SAE1: variants seen among roughly 807,000 people sequenced by gnomAD.
The protein encoded by SAE1 is SUMO-activating enzyme subunit 1.
Under a neutral mutation model 40.6 loss-of-function variants are expected in SAE1, and 11 were observed. That is an observed-to-expected ratio of 0.27 (90% CI 0.17 to 0.45). SAE1 has a LOEUF of 0.45. Among genes scored for constraint, SAE1 ranks in the 20% least tolerant of loss-of-function variants. The pLI, the probability that SAE1 is intolerant of heterozygous loss-of-function variation, is 1.00. For missense variants in SAE1, 373 were observed against 427.3 expected, an observed-to-expected ratio of 0.87 and a Z score of 1.12; for synonymous variants, 155 against 154.3, an observed-to-expected ratio of 1.00 and a Z score of -0.03.
At chr19:47,200,914 G>A (rs1296923762) in intron 7 of SAE1, among the ~76,000 whole-genome samples, 1 of 152,134 alleles carries the variant, frequency 6.6e-6, no homozygotes, top group Non-Finnish European at 1.5e-5. Flanking sequence ...CTAGAGTGCA[G>A]TGGCATGATC....
chr19:47,196,044 CTTTTT>C (rs778913288), intron 6 of SAE1, among the ~76,000 whole-genome samples: 2 of 129,946 alleles, frequency 1.5e-5, no homozygotes, highest in African/African-American at 2.8e-5. Context: ...TCTTCCGGGT[CTTTTT>C]TTTTTTTTTT....
At chr19:47,134,962 T>G (rs1300948972) in intron 1 of SAE1, among the ~76,000 whole-genome samples, 2 of 152,122 alleles carry the variant, frequency 1.3e-5, no homozygotes, top group African/African-American at 4.8e-5. Context: ...TTGTACTCTA[T>G]TTTTAGACAG....
chr19:47,151,377 C>T (rs1290526825), intron 3 of SAE1, among the ~76,000 whole-genome samples: 2 of 152,152 alleles, frequency 1.3e-5, no homozygotes, highest in African/African-American at 4.8e-5. Flanking sequence ...TCTTGAACCC[C>T]TGACCTCAGG....
chr19:47,139,936 CTTTTTTTTTTT>C (rs34575308), intron 1 of SAE1, among the ~76,000 whole-genome samples: 1,314 of 111,556 alleles, frequency 0.012, 18 homozygotes, highest in Non-Finnish European at 0.015. Flanking sequence ...TTGGGTATTT[CTTTTTTTTTTT>C]TTTTTTTTGA....
intron 4 of SAE1, among the ~76,000 whole-genome samples, chr19:47,153,910 G>C (rs1376139118): frequency 6.6e-6 from 1 of 151,880 alleles, no homozygotes; most frequent in Non-Finnish European, 1.5e-5. Flanking sequence ...TCCTGCCTCA[G>C]CCTCCGGAGT....
At chr19:47,146,635 TCCC>T (rs1260265119) in intron 2 of SAE1, among the ~76,000 whole-genome samples, 6 of 152,254 alleles carry the variant, frequency 3.9e-5, no homozygotes, top group Admixed American at 3.3e-4. Flanking sequence ...CCCATTACCA[TCCC>T]TGTTTTACAG....
chr19:47,202,296 T>A lies in SAE1; in HGVS notation c.879-1375T>A, dbSNP rs142585450. ...TTTAAAATTATACCTATTTATTTAT[T>A]TATTTATTTTTTGAGACAGTCTTGC... is the stretch of plus-strand genomic sequence containing the variant. On this transcript the variant is annotated intron_variant, in intron 7 of 8. Coordinates refer to ENST00000270225, the MANE Select transcript of SAE1 (RefSeq NM_005500.3). Among the ~76,000 whole-genome samples, 156 of 152,050 alleles carry A rather than the reference T, an allele frequency of 1.0e-3. 2 individuals are homozygous for A. The South Asian group carries it at 0.018, about 18-fold the overall frequency.
chr19:47,204,148 A>G (rs1373602163), intron 8 of SAE1, among the ~76,000 whole-genome samples: 1 of 143,138 alleles, frequency 7.0e-6, no homozygotes, highest in Non-Finnish European at 1.5e-5. Context: ...ACCTCTGTAC[A>G]GTTTATCTCT....
chr19:47,166,483 A>AGGC (rs2058393050), intron 5 of SAE1, among the ~76,000 whole-genome samples: 26 of 152,062 alleles, frequency 1.7e-4, no homozygotes, highest in Admixed American at 1.6e-3. Flanking sequence ...CTTCATTCAT[A>AGGC]CTCTTGCCCC....
intron 6 of SAE1, among the ~76,000 whole-genome samples, chr19:47,191,209 G>A (rs574553864): frequency 6.6e-6 from 1 of 152,136 alleles, no homozygotes; most frequent in African/African-American, 2.4e-5. Flanking sequence ...TCAGAAGTTC[G>A]AGACCAGCCT....
intron 2 of SAE1, among the ~76,000 whole-genome samples, chr19:47,146,531 C>T (rs945896446): frequency 3.3e-5 from 5 of 152,110 alleles, no homozygotes; most frequent in South Asian, 4.1e-4. Flanking sequence ...CCAGGAATAA[C>T]CAGAGCAGCT....
At position 47,155,201 on chromosome 19, in the gene SAE1, G is replaced by A. The variant is rs1315600653; in HGVS notation, c.615G>A (p.Thr205=). 2 of 1,612,868 alleles carry A rather than the reference G, an allele frequency of 1.2e-6. No individual in the cohort carries two copies. Among genetic ancestry groups the A allele is most frequent in the Non-Finnish European group, 1.7e-6 (2 of 1,179,058 alleles). The change falls in exon 5 of 9, where the codon ACG becomes ACA. Residue 205 remains threonine, a synonymous_variant. Transcript: ENST00000270225. ...KRAKLDSSET[T]MVKKKVVFCP... ...CAAAACTTGATTCTTCTGAGACAAC[G>A]ATGGTCAAAAAGGTATGTGTAACGT...
chr19:47,178,827 T>G lies in SAE1; in HGVS notation c.733+8904T>G, dbSNP rs77828218. Among the ~76,000 whole-genome samples the G allele has an allele frequency of 3.3e-3, 501 of 152,288 alleles. 3 individuals carry two copies. The highest frequency in any genetic ancestry group is 0.011 in the African/African-American group (475 of 41,560). On this transcript the variant is annotated intron_variant, in intron 6 of 8. Transcript: ENST00000270225. ...TGTATTTCAAATTACATTTGTGCACTGAAGCAGGGAGGAAAAAGGAGCTAA... is the reference window on the plus strand; with the variant it reads ...TGTATTTCAAATTACATTTGTGCACGGAAGCAGGGAGGAAAAAGGAGCTAA...
intron 4 of SAE1, among the ~76,000 whole-genome samples, chr19:47,153,497 G>A (rs1286664026): frequency 6.6e-6 from 1 of 152,084 alleles, no homozygotes; most frequent in African/African-American, 2.4e-5. Context: ...ATACATTATT[G>A]TAAAACTATA....
intron 5 of SAE1, among the ~76,000 whole-genome samples, chr19:47,164,542 A>G (rs1326465256): frequency 2.1e-5 from 3 of 145,312 alleles, no homozygotes; most frequent in African/African-American, 5.1e-5. Flanking sequence ...CCAGTCACCT[A>G]TTGTATTGAG....
intron 2 of SAE1, 123 bp downstream of exon 2, chr19:47,143,728 AC>A: frequency 5.7e-6 from 4 of 696,444 alleles, no homozygotes; most frequent in Non-Finnish European, 1.0e-5. Flanking sequence ...ACATTAATAA[AC>A]CATTGCCTCT....
intron 6 of SAE1, among the ~76,000 whole-genome samples, chr19:47,191,334 AAAAC>A (rs1483765280): frequency 2.0e-5 from 3 of 152,200 alleles, no homozygotes; most frequent in Admixed American, 6.5e-5. Context: ...AAAAAGAAGA[AAAAC>A]AAAAACAAGT....
chr19:47,145,414 G>A (rs546608914), intron 2 of SAE1, among the ~76,000 whole-genome samples: 14 of 152,120 alleles, frequency 9.2e-5, no homozygotes, highest in Non-Finnish European at 1.8e-4. Context: ...CCCAAAGTGC[G>A]GTGATTACAG....
At chr19:47,164,590 G>A (rs2058378743) in intron 5 of SAE1, among the ~76,000 whole-genome samples, 1 of 150,538 alleles carries the variant, frequency 6.6e-6, no homozygotes, top group Admixed American at 6.6e-5. Context: ...TATGCTAAAT[G>A]GCTCCTGACA....
Sources: allele counts gnomAD v4.1 joint callset (sites outside exome capture counted in the v4.1 genomes callset), GRCh38; gene constraint gnomAD v4.1.1; transcripts MANE v1.5; gene names NCBI Gene and HGNC (gene_info 2026-07-23, HGNC 2026-07-21).